RYR2: variants seen among roughly 807,000 people sequenced by gnomAD.
RYR2 encodes cardiac muscle ryanodine receptor-calcium release channel.
RYR2 carries 227 observed loss-of-function variants against 601.1 expected under a neutral mutation model. The ratio of observed to expected loss-of-function variants is 0.38; its 90% CI spans 0.34 to 0.42. The LOEUF is 0.42. Ranked by LOEUF, RYR2 falls within the 10% of genes least tolerant of loss-of-function variation. RYR2 has a pLI of 1.00. For missense variants in RYR2, 4,646 were observed against 6,156.5 expected, an observed-to-expected ratio of 0.75 and a Z score of 8.21; for synonymous variants, 2,223 against 2,175.1, an observed-to-expected ratio of 1.02 and a Z score of -0.61.
intron 2 of RYR2, among the ~76,000 whole-genome samples, chr1:237,296,321 G>A (rs190263573): frequency 6.6e-6 from 1 of 152,172 alleles, no homozygotes; most frequent in African/African-American, 2.4e-5. Context: ...GTTGGATGTG[G>A]TGTATTATAG....
rs149071814 is a variant in RYR2 at position 237,228,983 on chromosome 1, C to A, written c.49-41514C>A. ...GCACCAAGAACTGTGGGAAGTATCC[C>A]CTATCATTGCTTCATTTCACTCCAG... On this transcript the variant is annotated intron_variant, in intron 1 of 104. Transcript: ENST00000366574. Among the ~76,000 whole-genome samples, 278 of 152,192 alleles carry A rather than the reference C, an allele frequency of 1.8e-3. 2 individuals are homozygous for A. Among genetic ancestry groups the A allele is most frequent in the African/African-American group, 6.4e-3 (267 of 41,508 alleles).
At chr1:237,665,850 A>T (rs529239293) in intron 56 of RYR2, among the ~76,000 whole-genome samples, 131 of 152,254 alleles carry the variant, frequency 8.6e-4, no homozygotes, top group African/African-American at 3.0e-3. Flanking sequence ...AAATATCAAG[A>T]TATAGTTTTA....
At chr1:237,348,871 G>C (rs1698522009) in intron 3 of RYR2, among the ~76,000 whole-genome samples, 1 of 152,120 alleles carries the variant, frequency 6.6e-6, no homozygotes, top group South Asian at 2.1e-4. Flanking sequence ...AGTAAGTAAA[G>C]TAAGAACTCA....
intron 1 of RYR2, among the ~76,000 whole-genome samples, chr1:237,173,294 A>G (rs1390683398): frequency 6.6e-6 from 1 of 152,156 alleles, no homozygotes; most frequent in Admixed American, 6.5e-5. Context: ...TTTGAAATTG[A>G]AGACAATTGG....
intron 1 of RYR2, among the ~76,000 whole-genome samples, chr1:237,255,288 T>C (rs960552245): frequency 1.3e-5 from 2 of 152,228 alleles, no homozygotes; most frequent in Non-Finnish European, 2.9e-5. Flanking sequence ...GTCTGAAATA[T>C]GTCCAGTCTT....
intron 3 of RYR2, chr1:237,352,904 C>T (rs1272726913): frequency 5.9e-6 from 3 of 508,000 alleles, no homozygotes; most frequent in South Asian, 4.3e-5. Context: ...TCCCTCCCTA[C>T]CATCTTACAT....
chr1:237,259,182 A>C (rs951768817), intron 1 of RYR2, among the ~76,000 whole-genome samples: 4 of 152,030 alleles, frequency 2.6e-5, no homozygotes, highest in African/African-American at 9.7e-5. Context: ...ACAACAGATT[A>C]CTTCTGTAGC....
At chr1:237,189,874 TTTTTA>T (rs200621545) in intron 1 of RYR2, among the ~76,000 whole-genome samples, 49 of 101,290 alleles carry the variant, frequency 4.8e-4, no homozygotes, top group Non-Finnish European at 6.1e-4. Context: ...TTTATTTTTA[TTTTTA>T]TTTTTTTTTT....
intron 12 of RYR2, among the ~76,000 whole-genome samples, chr1:237,432,317 C>T (rs936162126): frequency 2.0e-5 from 3 of 151,882 alleles, no homozygotes; most frequent in African/African-American, 4.8e-5. Context: ...AAATGAGCTC[C>T]GAATCATAAC....
chr1:237,553,259 T>A (rs1670581556), intron 27 of RYR2, among the ~76,000 whole-genome samples: 1 of 152,052 alleles, frequency 6.6e-6, no homozygotes, highest in South Asian at 2.1e-4. Context: ...TGATGTAAGC[T>A]TAAGATCAAG....
intron 1 of RYR2, among the ~76,000 whole-genome samples, chr1:237,056,415 A>G (rs1005975624): frequency 7.0e-6 from 1 of 143,110 alleles, no homozygotes; most frequent in Non-Finnish European, 1.5e-5. Context: ...GGACTGCAGC[A>G]CTGCACCTGT....
intron 1 of RYR2, among the ~76,000 whole-genome samples, chr1:237,108,027 G>C (rs1260959894): frequency 6.6e-6 from 1 of 152,210 alleles, no homozygotes; most frequent in Non-Finnish European, 1.5e-5. Flanking sequence ...GGAGTAATTA[G>C]AGCTAACCTT....
At chr1:237,108,262 G>GATGGAGGGA (rs1415967078) in intron 1 of RYR2, among the ~76,000 whole-genome samples, 2 of 152,194 alleles carry the variant, frequency 1.3e-5, no homozygotes, top group African/African-American at 4.8e-5. Context: ...GGCTACACCT[G>GATGGAGGGA]TTGGAGGGAT....
chr1:237,665,024 T>G (rs1437800615), intron 56 of RYR2, among the ~76,000 whole-genome samples: 1 of 152,210 alleles, frequency 6.6e-6, no homozygotes, highest in Non-Finnish European at 1.5e-5. Flanking sequence ...TTTCTTTGTG[T>G]CAGGCACTTT....
chr1:237,442,521 C>T (rs1350476163), intron 13 of RYR2, among the ~76,000 whole-genome samples: 3 of 152,126 alleles, frequency 2.0e-5, no homozygotes, highest in Non-Finnish European at 4.4e-5. Context: ...AATTCTATTA[C>T]ATCATTGACT....
At chr1:237,452,077 T>TGTGTGTGTGTGTGTGTG (rs1553457209) in intron 14 of RYR2, among the ~76,000 whole-genome samples, 12 of 74,520 alleles carry the variant, frequency 1.6e-4, no homozygotes, top group South Asian at 9.4e-4. Flanking sequence ...ATATAAAATT[T>TGTGTGTGTGTGTGTGTG]TGTGTGTGTG....
In RYR2 at chr1:237,298,453, T is replaced by G. The variant is rs546424443; in HGVS notation, c.168+27837T>G. 2.2e-4 allele frequency among the ~76,000 whole-genome samples: 34 copies of G among 152,324 alleles called. 1 individual carries two copies. The South Asian group carries it at 6.4e-3, about 29-fold the overall frequency. On this transcript the variant is annotated intron_variant, in intron 2 of 104. Transcript: ENST00000366574. ...ATGAAAAGACAAAGAATCATTGGTG[T>G]AGGCTTTACAGATGGAATGTGTGGC...
chr1:237,670,524 T>C lies in RYR2; in HGVS notation c.8590+2566T>C, dbSNP rs191018011. 9.8e-4 allele frequency among the ~76,000 whole-genome samples: 150 copies of C among 152,324 alleles called. 3 individuals are homozygous for C. The highest frequency in any genetic ancestry group is 3.1e-3 in the African/African-American group (128 of 41,562). ...ATGGATGGCAAATGAGTCATAGAGT[T>C]TTGTTTTGTGAAATTCTTGACAGGG... On this transcript the variant is annotated intron_variant, in intron 58 of 104. Transcript: ENST00000366574.
At chr1:237,603,505 A>G (rs530969695) in intron 35 of RYR2, among the ~76,000 whole-genome samples, 5 of 152,346 alleles carry the variant, frequency 3.3e-5, no homozygotes, top group African/African-American at 1.2e-4. Flanking sequence ...GATGCTAGGA[A>G]GAAACTGCGT....
Sources: gnomAD v4.1 joint callset for allele counts (sites outside exome capture counted in the v4.1 genomes callset) on GRCh38, gnomAD v4.1.1 for gene constraint, MANE v1.5 for transcripts, NCBI Gene and HGNC (gene_info 2026-07-23, HGNC 2026-07-21) for gene names.